Variants in SHISAL1 observed in about 807,000 individuals in gnomAD.
SHISAL1 encodes the protein protein shisa-like-1.
SHISAL1 carries 9 observed loss-of-function variants against 22.6 expected under a neutral mutation model. That is an observed-to-expected ratio of 0.40 (90% CI 0.24 to 0.70). The LOEUF (loss-of-function observed/expected upper bound fraction) is 0.70, where lower values mean the gene tolerates loss of function less well. Ranked by LOEUF, SHISAL1 falls within the 30% of genes least tolerant of loss-of-function variation. The pLI, the probability that SHISAL1 is intolerant of heterozygous loss-of-function variation, is 0.39. For missense variants in SHISAL1, 246 were observed against 270.6 expected (o/e 0.91, Z 0.64); for synonymous variants, 119 against 115.4 (o/e 1.03, Z -0.20).
intron 4 of SHISAL1, among the ~76,000 whole-genome samples, chr22:44,271,521 A>T (rs756256998): frequency 6.6e-6 from 1 of 152,208 alleles, no homozygotes; most frequent in Non-Finnish European, 1.5e-5. Flanking sequence ...GGGAGCCAAA[A>T]TGCCCATGTT....
At chr22:44,330,146 G>A in the SHISAL1 span, among the ~76,000 whole-genome samples, 1 of 152,218 alleles carries the variant, frequency 6.6e-6, no homozygotes, top group Middle Eastern at 3.2e-3. Context: ...AGAGACATGT[G>A]GACAGCTGCC....
chr22:44,251,451 TGA>T (rs2055046966), intron 4 of SHISAL1, among the ~76,000 whole-genome samples: 1 of 152,228 alleles, frequency 6.6e-6, no homozygotes, highest in Admixed American at 6.5e-5. Flanking sequence ...GATGGGCAGA[TGA>T]TTTTTTAAAA....
In SHISAL1 at chr22:44,249,610, AGTT is replaced by A; in HGVS notation, c.*72_*74del. 3 of 775,672 alleles carry A rather than the reference AGTT, an allele frequency of 3.9e-6. No homozygotes were observed. Among genetic ancestry groups the A allele is most frequent in the East Asian group, 2.4e-5 (1 of 41,126 alleles). The allele number at this position is 775,672 out of a possible 1,614,324, so 48.0% of individuals were successfully genotyped here. A position where few individuals can be genotyped will look rare whatever the true frequency, so the allele number is the denominator to read the frequency against. On this transcript the variant is annotated 3_prime_UTR_variant, in exon 5 of 5. Coordinates refer to ENST00000381176, the MANE Select transcript of SHISAL1 (RefSeq NM_001099294.2). Reference sequence around the variant, plus strand: ...CGGCTGTCCCTGGCATCTCTGTAGAAGTTGTTCTTCTCGGAGGCTGCACCGGGT... The same window carrying A: ...CGGCTGTCCCTGGCATCTCTGTAGAAGTTCTTCTCGGAGGCTGCACCGGGT...
chr22:44,249,828 A>G lies in SHISAL1; in HGVS notation c.*-143T>C, dbSNP rs568043431. 19 of 659,964 alleles carry G rather than the reference A, an allele frequency of 2.9e-5. No homozygotes were observed. In the African/African-American group the frequency reaches 3.4e-4, roughly 12 times the overall value. 40.9% of individuals were successfully genotyped at this position (659,964 alleles called of 1,614,324 possible). On this transcript the variant is annotated intron_variant, in intron 4 of 4. Transcript: ENST00000381176. ...TGAACATTGCGAACCATGTGACTTT[A>G]AGACTGGAAGAAAGAAAAAAAATGT...
intron 4 of SHISAL1, among the ~76,000 whole-genome samples, chr22:44,260,740 C>T (rs1281513206): frequency 6.6e-6 from 1 of 152,210 alleles, no homozygotes; most frequent in African/African-American, 2.4e-5. Context: ...AGCAGCCATG[C>T]CCCTCCTCAC....
At position 44,296,688 on chromosome 22, in the gene SHISAL1, C is replaced by T. The variant is rs766957444; in HGVS notation, c.265G>A (p.Glu89Lys). The T allele has an allele frequency of 2.1e-5, 34 of 1,613,582 alleles. No homozygotes were observed. The highest frequency in any genetic ancestry group is 3.3e-5 in the Admixed American group (2 of 60,010). The change falls in exon 3 of 5, where the codon GAG becomes AAG. Residue 89 changes from glutamate to lysine, a missense_variant. Glu to Lys is a moderately conservative substitution (Grantham distance 56, BLOSUM62 1). Transcript: ENST00000381176. ...GGCACTCACTTGTGCATGTAACCCT[C>T]GGAGCTGGCCGTGAGGTTCGCCTGC... is the stretch of plus-strand genomic sequence containing the variant. ...VMQANLTASS[E>K]GYMHNNYTAL... is the part of the protein sequence containing the mutation.
intron 4 of SHISAL1, among the ~76,000 whole-genome samples, chr22:44,253,062 G>A (rs1018173204): frequency 6.6e-6 from 1 of 151,960 alleles, no homozygotes; most frequent in African/African-American, 2.4e-5. Flanking sequence ...AGGGATGATG[G>A]TGATGGTTGC....
chr22:44,289,190 C>G (rs1173935397), intron 3 of SHISAL1, among the ~76,000 whole-genome samples: 6 of 152,216 alleles, frequency 3.9e-5, no homozygotes, highest in Admixed American at 3.9e-4. Context: ...CCATGTCACA[C>G]ATGAGGAAAT....
chr22:44,323,954 A>G, the SHISAL1 span, among the ~76,000 whole-genome samples: 1 of 152,222 alleles, frequency 6.6e-6, no homozygotes. Context: ...TTAATTCCTG[A>G]AGAGGTGGAT....
chr22:44,331,649 G>A, the SHISAL1 span, among the ~76,000 whole-genome samples: 1 of 148,824 alleles, frequency 6.7e-6, no homozygotes, highest in African/African-American at 2.4e-5. This position sits in a 1 kb window ranked among gnomAD's most constrained non-coding sequence, Gnocchi z 5.2. Flanking sequence ...GGGACGCGGG[G>A]ACTCCGGGCT....
chr22:44,259,161 G>C (rs532067305), intron 4 of SHISAL1, among the ~76,000 whole-genome samples: 1 of 152,196 alleles, frequency 6.6e-6, no homozygotes, highest in Admixed American at 6.5e-5. Flanking sequence ...GGCCAGAAGC[G>C]GGCCAGGTGC....
chr22:44,280,081 A>C (rs965624897), intron 4 of SHISAL1, among the ~76,000 whole-genome samples: 2 of 152,122 alleles, frequency 1.3e-5, no homozygotes, highest in East Asian at 1.9e-4. Context: ...CCCATCCCCC[A>C]TCCCCACTCA....
At chr22:44,294,802 C>A (rs2055374784) in intron 3 of SHISAL1, among the ~76,000 whole-genome samples, 1 of 152,154 alleles carries the variant, frequency 6.6e-6, no homozygotes, top group Non-Finnish European at 1.5e-5. Context: ...ATCTCAAAAT[C>A]ATTGCTTTTA....
chr22:44,304,700 T>TC (rs2055458131), intron 1 of SHISAL1, among the ~76,000 whole-genome samples: 4 of 152,168 alleles, frequency 2.6e-5, no homozygotes, highest in Admixed American at 2.6e-4. Context: ...AATGGATTTC[T>TC]CCGGGGGAGT....
the SHISAL1 span, among the ~76,000 whole-genome samples, chr22:44,328,143 T>C: frequency 2.0e-5 from 3 of 152,154 alleles, no homozygotes; most frequent in Non-Finnish European, 4.4e-5. Flanking sequence ...TCAGTAATAT[T>C]GGAAAGTAAA....
At position 44,302,697 on chromosome 22, in the gene SHISAL1, A is replaced by G. The variant is rs1427796876; in HGVS notation, c.-32-1720T>C. Among the ~76,000 whole-genome samples, 198 of 71,944 alleles carry G rather than the reference A, an allele frequency of 2.8e-3. 1 individual carries two copies. Among genetic ancestry groups the G allele is most frequent in the African/African-American group, 0.011 (191 of 16,848 alleles). The allele number at this position is 71,944 out of a possible 152,430, so 47.2% of individuals were successfully genotyped here. ...GGGGTGGGTGCGGTGAGGAGGCAGCAGGGGCAAAGGCCCTGGGGTGGGTGC... is the reference window on the plus strand; with the variant it reads ...GGGGTGGGTGCGGTGAGGAGGCAGCGGGGGCAAAGGCCCTGGGGTGGGTGC... On this transcript the variant is annotated intron_variant, in intron 1 of 4. Coordinates refer to ENST00000381176, the MANE Select transcript of SHISAL1 (RefSeq NM_001099294.2).
chr22:44,264,229 G>T (rs576832552), intron 4 of SHISAL1, among the ~76,000 whole-genome samples: 1 of 152,290 alleles, frequency 6.6e-6, no homozygotes, highest in East Asian at 1.9e-4. Context: ...ACCTTCACTG[G>T]GAGGAAAGCA....
At chr22:44,283,469 G>C (rs905739242) in intron 4 of SHISAL1, among the ~76,000 whole-genome samples, 3 of 152,182 alleles carry the variant, frequency 2.0e-5, no homozygotes, top group Non-Finnish European at 4.4e-5. Flanking sequence ...ATGGAACAGG[G>C]GTAGGGTGGG....
chr22:44,308,475 C>T (rs2055494720), intron 1 of SHISAL1, among the ~76,000 whole-genome samples: 1 of 152,220 alleles, frequency 6.6e-6, no homozygotes, highest in Admixed American at 6.5e-5. Flanking sequence ...TTTACTCATG[C>T]TGTTCCCCTG....
Sources: gnomAD v4.1 joint callset for allele counts (sites outside exome capture counted in the v4.1 genomes callset) on GRCh38, gnomAD v4.1.1 for gene constraint, Gnocchi (gnomAD v3.1) non-coding constraint, MANE v1.5 for transcripts, NCBI Gene and HGNC (gene_info 2026-07-23, HGNC 2026-07-21) for gene names.